CFAP54: variants seen among roughly 807,000 people sequenced by gnomAD.
CFAP54 encodes cilia and flagella associated protein 54, also known as cilia- and flagella-associated protein 54.
A neutral mutation model predicts 370.4 loss-of-function variants in CFAP54; 290 were observed. That is an observed-to-expected ratio of 0.78 (90% confidence interval 0.71 to 0.86). The LOEUF (loss-of-function observed/expected upper bound fraction) is 0.86, where lower values mean the gene tolerates loss of function less well. CFAP54 is among the 40% of genes least tolerant of loss of function. CFAP54 has a pLI of 0.00. For synonymous variants in CFAP54, 1,206 were observed against 1,236.5 expected (o/e 0.98, Z 0.52); for missense variants, 3,399 against 3,528.7 (o/e 0.96, Z 0.93).
At chr12:96,611,961 A>G (rs1956363122) in intron 26 of CFAP54, among the ~76,000 whole-genome samples, 1 of 152,226 alleles carries the variant, frequency 6.6e-6, no homozygotes, top group Non-Finnish European at 1.5e-5. Flanking sequence ...CCAGGTTGGA[A>G]AACACTCTGC....
In CFAP54 at chr12:96,522,347, C is replaced by T. The variant is rs538037034; in HGVS notation, c.1158+158C>T. 2.3e-4 allele frequency among the ~76,000 whole-genome samples: 35 copies of T among 152,332 alleles called. No individual in the cohort carries two copies. The South Asian group carries it at 5.6e-3, about 24-fold the overall frequency. ...GAGAAGAATGTTTTTCTAGTTTGCA[C>T]GTAGCCTCGCTTCATCTCTTTCTCA... is the stretch of plus-strand genomic sequence containing the variant. On this transcript the variant is annotated intron_variant, in intron 8 of 67. Transcript: ENST00000524981.
intron 34 of CFAP54, among the ~76,000 whole-genome samples, chr12:96,648,280 A>G (rs1956819677): frequency 6.6e-6 from 1 of 152,198 alleles, no homozygotes. Context: ...TGTTCAGCAA[A>G]TATAATGTTT....
intron 30 of CFAP54, among the ~76,000 whole-genome samples, chr12:96,629,856 C>A (rs1442099468): frequency 6.6e-6 from 1 of 152,052 alleles, no homozygotes; most frequent in Non-Finnish European, 1.5e-5. Context: ...TGAAAAGTTT[C>A]TATTATTCAA....
In CFAP54 at chr12:96,765,690, A is replaced by G. The variant is rs535744813; in HGVS notation, c.8281+472A>G. ...TGAGAGCAGGGTCTTCATATATTCA[A>G]TTTTCATCTACAGCAAATTGCACAG... is the stretch of plus-strand genomic sequence containing the variant. On this transcript the variant is annotated intron_variant, in intron 60 of 67. Coordinates refer to ENST00000524981, the MANE Select transcript of CFAP54 (RefSeq NM_001306084.2). 4.6e-5 allele frequency among the ~76,000 whole-genome samples: 7 copies of G among 152,310 alleles called. No individual in the cohort carries two copies. In the South Asian group the frequency reaches 6.2e-4, roughly 14 times the overall value.
At chr12:96,585,021 T>C (rs1011296072) in intron 22 of CFAP54, among the ~76,000 whole-genome samples, 1 of 144,814 alleles carries the variant, frequency 6.9e-6, no homozygotes, top group African/African-American at 2.6e-5. Context: ...TAATAAAGAG[T>C]CTGATCTCTC....
chr12:96,584,823 G>T (rs2136428641), intron 22 of CFAP54, among the ~76,000 whole-genome samples: 1 of 152,226 alleles, frequency 6.6e-6, no homozygotes, highest in East Asian at 1.9e-4. Context: ...GGTTCACCCT[G>T]TGCGTCTGCT....
At position 96,651,864 on chromosome 12, in the gene CFAP54, G is replaced by A. The variant is rs74369572; in HGVS notation, c.5100+49G>A. 4.1e-3 allele frequency: 4,857 copies of A among 1,179,528 alleles called. 158 individuals are homozygous for A. In the African/African-American group the frequency reaches 0.066, roughly 16 times the overall value. 73.1% of individuals were successfully genotyped at this position (1,179,528 alleles called of 1,614,324 possible). A position where few individuals can be genotyped will look rare whatever the true frequency, so the allele number is the denominator to read the frequency against. On this transcript the variant is annotated intron_variant, in intron 36 of 67. Transcript: ENST00000524981. ...TTTATTATATTCAGTTAAAAATATC[G>A]TACTGTGCATCTTGGTATAAGTAGA...
In CFAP54 at chr12:96,683,311, A is replaced by G. The variant is rs545859418; in HGVS notation, c.5717-1337A>G. Among the ~76,000 whole-genome samples the G allele has an allele frequency of 3.3e-5, 5 of 152,348 alleles. No homozygotes were observed. The South Asian group carries it at 1.0e-3, about 32-fold the overall frequency. ...ATGTGACAGTTACACATGCAGACAG[A>G]GACAGGTATGTTGTATTGGTGACTC... On this transcript the variant is annotated intron_variant, in intron 40 of 67. Coordinates refer to ENST00000524981, the MANE Select transcript of CFAP54 (RefSeq NM_001306084.2).
At chr12:96,597,823 A>G (rs928403327) in intron 25 of CFAP54, among the ~76,000 whole-genome samples, 3 of 151,910 alleles carry the variant, frequency 2.0e-5, no homozygotes, top group Non-Finnish European at 4.4e-5. Context: ...ATACACATGT[A>G]TGTATTTATA....
chr12:96,794,339 A>G (rs1958734890), intron 63 of CFAP54, among the ~76,000 whole-genome samples: 1 of 151,852 alleles, frequency 6.6e-6, no homozygotes, highest in Non-Finnish European at 1.5e-5. Flanking sequence ...CATTTTCCAA[A>G]CTTTTAGATT....
chr12:96,510,110 G>A (rs1407764225), intron 4 of CFAP54, among the ~76,000 whole-genome samples: 2 of 151,870 alleles, frequency 1.3e-5, no homozygotes, highest in Admixed American at 6.6e-5. Flanking sequence ...AAAATTGGCC[G>A]GGTGTGGTGG....
chr12:96,621,875 G>GTTTGT (rs1956496257), intron 27 of CFAP54, among the ~76,000 whole-genome samples, 154 bp downstream of exon 27: 2 of 50,022 alleles, frequency 4.0e-5, no homozygotes, highest in Admixed American at 3.5e-4. Context: ...TTTTGGGTTT[G>GTTTGT]TTTTTTTTTT....
chr12:96,675,493 A>C (rs1467474385), intron 39 of CFAP54, among the ~76,000 whole-genome samples: 1 of 152,178 alleles, frequency 6.6e-6, no homozygotes, highest in African/African-American at 2.4e-5. Flanking sequence ...GTTGGTGGGA[A>C]AGTAAACTAG....
intron 60 of CFAP54, among the ~76,000 whole-genome samples, chr12:96,777,911 G>T (rs895137852): frequency 6.6e-6 from 1 of 152,144 alleles, no homozygotes; most frequent in East Asian, 1.9e-4. Context: ...TTGAATAGTT[G>T]GTGCTGATAC....
rs1195035671 is a variant in CFAP54, at chr12:96,564,453, C to T, written c.2411-15C>T. 8.7e-6 allele frequency: 6 copies of T among 687,944 alleles called. No homozygotes were observed. Among genetic ancestry groups the T allele is most frequent in the African/African-American group, 1.8e-5 (1 of 56,766 alleles). The allele number at this position is 687,944 out of a possible 1,614,324, so 42.6% of individuals were successfully genotyped here. Reference sequence around the variant, plus strand: ...ATACATACTTAATTGTTATGACAGTCGTCTTCTTCTTCAGTTTTGCAGACT... The same window carrying T: ...ATACATACTTAATTGTTATGACAGTTGTCTTCTTCTTCAGTTTTGCAGACT... On this transcript the variant is annotated splice_polypyrimidine_tract_variant and intron_variant, in intron 17 of 67. Transcript: ENST00000524981.
chr12:96,599,682 T>G lies in CFAP54; in HGVS notation c.3639+915T>G, dbSNP rs575018109. 8.5e-5 allele frequency among the ~76,000 whole-genome samples: 13 copies of G among 152,342 alleles called. No homozygotes were observed. The South Asian group carries it at 2.7e-3, about 32-fold the overall frequency. On this transcript the variant is annotated intron_variant, in intron 26 of 67. Coordinates refer to ENST00000524981, the MANE Select transcript of CFAP54 (RefSeq NM_001306084.2). ...TCTCCAGGATCTGCTGTTTCCTGACTTTTTAATGATCGCCATTCTAACTGG... is the reference window on the plus strand; with the variant it reads ...TCTCCAGGATCTGCTGTTTCCTGACGTTTTAATGATCGCCATTCTAACTGG...
At chr12:96,547,293 C>T (rs1955650371) in intron 14 of CFAP54, among the ~76,000 whole-genome samples, 1 of 152,214 alleles carries the variant, frequency 6.6e-6, no homozygotes, top group African/African-American at 2.4e-5. Context: ...TCAAGCAATT[C>T]TCCTGCCTCA....
intron 32 of CFAP54, among the ~76,000 whole-genome samples, chr12:96,632,176 A>C (rs184342384): frequency 2.4e-4 from 37 of 152,110 alleles, no homozygotes; most frequent in Admixed American, 1.0e-3. Context: ...GCACATTTAA[A>C]AACTTTTGTT....
intron 63 of CFAP54, among the ~76,000 whole-genome samples, chr12:96,799,952 G>A (rs1958804721): frequency 6.6e-6 from 1 of 152,036 alleles, no homozygotes. Flanking sequence ...TTCTTAGGTT[G>A]GTCTTCAGCA....
Sources: gnomAD v4.1 joint callset for allele counts (sites outside exome capture counted in the v4.1 genomes callset) on GRCh38, gnomAD v4.1.1 for gene constraint, MANE v1.5 for transcripts, NCBI Gene and HGNC (gene_info 2026-07-23, HGNC 2026-07-21) for gene names.